CDC42SE2: variants seen among roughly 807,000 people sequenced by gnomAD.
The protein encoded by CDC42SE2 is CDC42 small effector 2.
A neutral mutation model predicts 11.5 loss-of-function variants in CDC42SE2; 3 were observed. The observed-to-expected ratio is 0.26, with a 90% CI of 0.12 to 0.67. The LOEUF is 0.67. Among genes scored for constraint, CDC42SE2 ranks in the 30% least tolerant of loss-of-function variants. CDC42SE2 has a pLI of 0.80. For missense variants in CDC42SE2, 82 were observed against 106.8 expected, an observed-to-expected ratio of 0.77 and a Z score of 1.02; for synonymous variants, 33 against 34.8, an observed-to-expected ratio of 0.95 and a Z score of 0.18.
intron 3 of CDC42SE2, among the ~76,000 whole-genome samples, chr5:131,382,915 A>G (rs933817660): frequency 1.3e-5 from 2 of 152,234 alleles, no homozygotes; most frequent in African/African-American, 4.8e-5. Context: ...ATGTAATAAT[A>G]TATTATTAAG....
In CDC42SE2 at chr5:131,359,379, A is replaced by C. The variant is rs1382344545; in HGVS notation, c.-115A>C. The C allele has an allele frequency of 9.9e-6, 8 of 809,328 alleles. No individual in the cohort carries two copies. Among genetic ancestry groups the C allele is most frequent in the Non-Finnish European group, 1.8e-5 (8 of 454,970 alleles). The allele number at this position is 809,328 out of a possible 1,614,324, so 50.1% of individuals were successfully genotyped here. On this transcript the variant is annotated 5_prime_UTR_variant, in exon 3 of 5. Coordinates refer to ENST00000505065, the MANE Select transcript of CDC42SE2 (RefSeq NM_001375635.1). ...CCAGGAACAAAAACACGGTGAAATAATAAAATTTCATCTTGGCATCACTGG... is the reference window on the plus strand; with the variant it reads ...CCAGGAACAAAAACACGGTGAAATACTAAAATTTCATCTTGGCATCACTGG...
chr5:131,365,387 G>A (rs2149775299), intron 3 of CDC42SE2, among the ~76,000 whole-genome samples: 1 of 152,264 alleles, frequency 6.6e-6, no homozygotes, highest in Admixed American at 6.5e-5. Context: ...AACTCTAGCT[G>A]AGGGCACTCC....
At chr5:131,327,833 A>G (rs1301995300) in intron 2 of CDC42SE2, among the ~76,000 whole-genome samples, 1 of 152,208 alleles carries the variant, frequency 6.6e-6, no homozygotes, top group Non-Finnish European at 1.5e-5. Flanking sequence ...TATGTGATAT[A>G]CATACAAACA....
chr5:131,364,864 A>G (rs1020143739), intron 3 of CDC42SE2, among the ~76,000 whole-genome samples: 10 of 152,222 alleles, frequency 6.6e-5, no homozygotes, highest in African/African-American at 2.4e-4. Flanking sequence ...CCACAGTGAA[A>G]CAGAGGAAGT....
intron 1 of CDC42SE2, among the ~76,000 whole-genome samples, chr5:131,294,221 G>C (rs1471422302): frequency 6.6e-6 from 1 of 152,068 alleles, no homozygotes; most frequent in African/African-American, 2.4e-5. Context: ...GCTTCACAGA[G>C]TATATCCAAT....
chr5:131,347,962 A>G (rs937952772), intron 2 of CDC42SE2, among the ~76,000 whole-genome samples: 1 of 152,084 alleles, frequency 6.6e-6, no homozygotes, highest in Admixed American at 6.6e-5. Context: ...CATGCTAAAA[A>G]CTTAACAAAC....
chr5:131,365,047 T>C (rs1186984421), intron 3 of CDC42SE2, among the ~76,000 whole-genome samples: 1 of 152,146 alleles, frequency 6.6e-6, no homozygotes, highest in Non-Finnish European at 1.5e-5. Context: ...CCCAGCACTT[T>C]GGGAGGCCGA....
chr5:131,361,667 G>C (rs1749712748), intron 3 of CDC42SE2, among the ~76,000 whole-genome samples: 2 of 152,150 alleles, frequency 1.3e-5, no homozygotes. Context: ...AGAAGAATTG[G>C]ATCACACGTG....
chr5:131,343,629 C>T (rs1173179383), intron 2 of CDC42SE2, among the ~76,000 whole-genome samples: 3 of 151,568 alleles, frequency 2.0e-5, no homozygotes, highest in African/African-American at 4.9e-5. Flanking sequence ...AGGAGAATTG[C>T]TGGAACCCAG....
At chr5:131,343,907 A>G (rs1464250137) in intron 2 of CDC42SE2, among the ~76,000 whole-genome samples, 1 of 151,978 alleles carries the variant, frequency 6.6e-6, no homozygotes, top group Non-Finnish European at 1.5e-5. Context: ...TTTCCTCTTT[A>G]TATTGCACAC....
At chr5:131,278,859 A>G (rs1247707146) in intron 1 of CDC42SE2, among the ~76,000 whole-genome samples, 3 of 130,296 alleles carry the variant, frequency 2.3e-5, no homozygotes, top group Non-Finnish European at 4.8e-5. Context: ...GTCTTGGCTC[A>G]CTGCAACCTC....
rs1757368220 is a variant in CDC42SE2 at position 131,287,613 on chromosome 5, C to A, written c.-455+23447C>A. Among the ~76,000 whole-genome samples the A allele has an allele frequency of 2.6e-5, 4 of 151,988 alleles. No homozygotes were observed. In the South Asian group the frequency reaches 8.3e-4, roughly 32 times the overall value. On this transcript the variant is annotated intron_variant, in intron 1 of 4. Coordinates refer to ENST00000505065, the MANE Select transcript of CDC42SE2 (RefSeq NM_001375635.1). ...AAGTCGGTGGGACTATAGGTGTGTGCCACCATGCCCAGCTTTTTTTTCTTT... is the reference window on the plus strand; with the variant it reads ...AAGTCGGTGGGACTATAGGTGTGTGACACCATGCCCAGCTTTTTTTTCTTT...
intron 4 of CDC42SE2, among the ~76,000 whole-genome samples, chr5:131,387,481 G>A (rs948398906): frequency 6.6e-6 from 1 of 152,134 alleles, no homozygotes. Context: ...AACCTGGGAG[G>A]GGGGAGGTTG....
intron 1 of CDC42SE2, among the ~76,000 whole-genome samples, chr5:131,279,559 C>T (rs1447992818): frequency 6.7e-6 from 1 of 149,790 alleles, no homozygotes; most frequent in African/African-American, 2.5e-5. Flanking sequence ...CTTACTTTCT[C>T]TGATAATTTA....
At chr5:131,231,800 C>CT in the CDC42SE2 span, among the ~76,000 whole-genome samples, 12 of 148,930 alleles carry the variant, frequency 8.1e-5, no homozygotes, top group East Asian at 9.7e-4. Flanking sequence ...TTTCTTTTTT[C>CT]TTTTTTTTGG....
intron 1 of CDC42SE2, among the ~76,000 whole-genome samples, chr5:131,310,100 T>G (rs1471646960): frequency 3.9e-5 from 6 of 152,122 alleles, no homozygotes; most frequent in African/African-American, 1.4e-4. Flanking sequence ...ATAAATTTCC[T>G]TCTACACACT....
At chr5:131,280,985 T>C (rs1757226825) in intron 1 of CDC42SE2, among the ~76,000 whole-genome samples, 1 of 152,224 alleles carries the variant, frequency 6.6e-6, no homozygotes, top group East Asian at 1.9e-4. Context: ...TGTGGAAGAA[T>C]TGCTCATATA....
Position 131,391,140 on chromosome 5 carries a change from CGGCCAGACAT to C in CDC42SE2, c.*56_*65del. On this transcript the variant is annotated 3_prime_UTR_variant, in exon 5 of 5. Coordinates refer to ENST00000505065, the MANE Select transcript of CDC42SE2 (RefSeq NM_001375635.1). ...ACTCAGAGCTGGGGTCTGGACCTGA[CGGCCAGACAT>C]GGCCAGGCCAATAATAGTAAATATA... 1 of 1,320,426 alleles carries C rather than the reference CGGCCAGACAT, an allele frequency of 7.6e-7. No homozygotes were observed. The highest frequency in any genetic ancestry group is 1.1e-6 in the Non-Finnish European group (1 of 924,352). The allele number at this position is 1,320,426 out of a possible 1,614,324, so 81.8% of individuals were successfully genotyped here.
intron 1 of CDC42SE2, among the ~76,000 whole-genome samples, chr5:131,279,145 T>G (rs981625037): frequency 6.6e-6 from 1 of 152,152 alleles, no homozygotes; most frequent in Non-Finnish European, 1.5e-5. Flanking sequence ...TTAAAGAAAT[T>G]TCTTTATGGT....
Sources: allele counts gnomAD v4.1 joint callset (sites outside exome capture counted in the v4.1 genomes callset), GRCh38; gene constraint gnomAD v4.1.1; transcripts MANE v1.5; gene names NCBI Gene and HGNC (gene_info 2026-07-23, HGNC 2026-07-21).